Variants in CDH12 observed in about 807,000 individuals in gnomAD.
CDH12 encodes the protein cadherin 12.
A neutral mutation model predicts 74.1 loss-of-function variants in CDH12; 41 were observed. The ratio of observed to expected loss-of-function variants is 0.55; its 90% CI spans 0.43 to 0.72. The LOEUF (loss-of-function observed/expected upper bound fraction) is 0.72, where lower values mean the gene tolerates loss of function less well. CDH12 is among the 30% of genes least tolerant of loss of function. CDH12 has a pLI of 0.00. For missense variants in CDH12, 945 were observed against 977.2 expected, an observed-to-expected ratio of 0.97 and a Z score of 0.44; for synonymous variants, 399 against 355.0, an observed-to-expected ratio of 1.12 and a Z score of -1.39.
chr5:21,954,010 A>G (rs913308681), intron 6 of CDH12, among the ~76,000 whole-genome samples: 1 of 152,098 alleles, frequency 6.6e-6, no homozygotes, highest in African/African-American at 2.4e-5. Context: ...TTCATTTCCT[A>G]AACTGACATT....
chr5:21,761,983 C>T (rs1238179506), intron 12 of CDH12, among the ~76,000 whole-genome samples: 2 of 152,116 alleles, frequency 1.3e-5, no homozygotes, highest in Non-Finnish European at 2.9e-5. Flanking sequence ...AATGTGGCAA[C>T]TTAGTCAATG....
intron 3 of CDH12, among the ~76,000 whole-genome samples, chr5:22,349,960 T>C (rs1024681416): frequency 1.3e-5 from 2 of 152,206 alleles, no homozygotes; most frequent in Non-Finnish European, 1.5e-5. Flanking sequence ...TTGTACACAG[T>C]TCAAGCCTGC....
Position 22,369,481 on chromosome 5 carries a change from G to C in CDH12, c.-333+35776C>G, listed in dbSNP as rs139474631. On this transcript the variant is annotated intron_variant, in intron 3 of 14. Transcript: ENST00000382254. ...CCATATTTAATTCCCTGAACAACAAGGTTCTTAAAAAAATACATACAAAGA... is the reference window on the plus strand; with the variant it reads ...CCATATTTAATTCCCTGAACAACAACGTTCTTAAAAAAATACATACAAAGA... Among the ~76,000 whole-genome samples, 561 of 151,882 alleles carry C rather than the reference G, an allele frequency of 3.7e-3. 4 individuals carry two copies. The highest frequency in any genetic ancestry group is 0.013 in the African/African-American group (520 of 41,422).
rs181150862 is a variant in CDH12, at chr5:22,086,414, G to A, written c.-186-7552C>T. Among the ~76,000 whole-genome samples the A allele has an allele frequency of 3.2e-3, 480 of 152,060 alleles. 2 individuals are homozygous for A. The highest frequency in any genetic ancestry group is 5.0e-3 in the Non-Finnish European group (343 of 67,996). ...GGCTGGAGTGCAGTGGCGTGATCTC[G>A]TCTCATTCCAGCCTCCGCCTCCCGG... On this transcript the variant is annotated intron_variant, in intron 4 of 14. Coordinates refer to ENST00000382254, the MANE Select transcript of CDH12 (RefSeq NM_004061.5).
chr5:22,725,182 T>A (rs983781396), intron 1 of CDH12, among the ~76,000 whole-genome samples: 17 of 151,928 alleles, frequency 1.1e-4, no homozygotes, highest in Non-Finnish European at 2.2e-4. Context: ...GTGCTTCAGT[T>A]TTCTTGTCTA....
chr5:21,784,498 C>A (rs1443272316), intron 10 of CDH12, among the ~76,000 whole-genome samples: 1 of 152,058 alleles, frequency 6.6e-6, no homozygotes, highest in Non-Finnish European at 1.5e-5. Flanking sequence ...GATGTTTGAA[C>A]CAGGTCATCA....
At chr5:22,506,928 G>T (rs550124663) in intron 1 of CDH12, among the ~76,000 whole-genome samples, 143 of 152,110 alleles carry the variant, frequency 9.4e-4, no homozygotes, top group African/African-American at 3.3e-3. Flanking sequence ...GTGCAATAGA[G>T]TATATATTAA....
intron 1 of CDH12, 95 bp downstream of exon 1, chr5:22,852,963 G>T (rs930596696): frequency 6.6e-6 from 1 of 152,150 alleles, no homozygotes; most frequent in South Asian, 2.1e-4. Context: ...ACTACGCTAG[G>T]CATCACTTTA....
chr5:22,470,318 G>A (rs1054585660), intron 2 of CDH12, among the ~76,000 whole-genome samples: 1 of 151,894 alleles, frequency 6.6e-6, no homozygotes, highest in Non-Finnish European at 1.5e-5. Context: ...AAATGTAGCT[G>A]TACTCCCATT....
chr5:22,058,192 G>A (rs550774884), intron 5 of CDH12, among the ~76,000 whole-genome samples: 30 of 152,192 alleles, frequency 2.0e-4, no homozygotes, highest in Admixed American at 1.4e-3. Context: ...GAGTAGCTGG[G>A]ATTACAGGCA....
intron 11 of CDH12, among the ~76,000 whole-genome samples, chr5:21,771,741 A>G (rs1293661496): frequency 2.6e-5 from 4 of 152,190 alleles, no homozygotes; most frequent in Admixed American, 1.3e-4. Context: ...AAAAGACCTG[A>G]AAAAGAAAGA....
rs1326432883 is a variant in CDH12, at chr5:22,595,937, T to TAA, written c.-522-90575_-522-90574dup. 2.1e-3 allele frequency among the ~76,000 whole-genome samples: 309 copies of TAA among 147,332 alleles called. 1 individual carries two copies. Among genetic ancestry groups the TAA allele is most frequent in the African/African-American group, 7.4e-3 (294 of 39,808 alleles). ...CTAAAAATAAATAAATAAATAAAAA[T>TAA]AAATAAAAAAAATTAAAAAAATTAG... is the stretch of plus-strand genomic sequence containing the variant. On this transcript the variant is annotated intron_variant, in intron 1 of 14. Transcript: ENST00000382254.
chr5:21,817,045 T>C lies in CDH12; in HGVS notation c.902A>G (p.Asn301Ser). 4.3e-6 allele frequency: 7 copies of C among 1,613,054 alleles called. No homozygotes were observed. Among genetic ancestry groups the C allele is most frequent in the Non-Finnish European group, 5.9e-6 (7 of 1,179,316 alleles). ...IRAVDPDFGQ[N>S]AEIEYNIVPG... is the part of the protein sequence containing the mutation. ...AACAATATTGTATTCAATTTCTGCA[T>C]TTTGTCCAAAATCAGGATCCACAGC... Residue 301 changes from asparagine to serine, a missense_variant, in exon 9 of 15, where the codon AAT (asparagine) becomes AGT (serine). Physicochemically the swap from Asn to Ser is conservative, Grantham distance 46. Coordinates refer to ENST00000382254, the MANE Select transcript of CDH12 (RefSeq NM_004061.5).
chr5:22,692,221 C>A (rs1174609207), intron 1 of CDH12, among the ~76,000 whole-genome samples: 1 of 152,182 alleles, frequency 6.6e-6, no homozygotes, highest in Non-Finnish European at 1.5e-5. Flanking sequence ...TGAACTGAAG[C>A]AGTCTGGGGC....
chr5:22,807,696 A>G lies in CDH12; in HGVS notation c.-523+45362T>C, dbSNP rs1231818977. On this transcript the variant is annotated intron_variant, in intron 1 of 14. Coordinates refer to ENST00000382254, the MANE Select transcript of CDH12 (RefSeq NM_004061.5). Reference sequence around the variant, plus strand: ...TACTGTACTGAATACTGCAGACAATACTGTAATACAATGGTAAGTACTTGT... The same window carrying G: ...TACTGTACTGAATACTGCAGACAATGCTGTAATACAATGGTAAGTACTTGT... Among the ~76,000 whole-genome samples, 6 of 152,338 alleles carry G rather than the reference A, an allele frequency of 3.9e-5. No individual in the cohort carries two copies. In the East Asian group the frequency reaches 1.2e-3, roughly 29 times the overall value.
chr5:22,232,654 A>G (rs1267500957), intron 3 of CDH12, among the ~76,000 whole-genome samples: 2 of 151,434 alleles, frequency 1.3e-5, no homozygotes, highest in Admixed American at 1.3e-4. Flanking sequence ...ATTCTAACAC[A>G]CTGAAAAAAA....
chr5:21,933,774 T>C (rs1340780764), intron 6 of CDH12, among the ~76,000 whole-genome samples: 2 of 151,928 alleles, frequency 1.3e-5, no homozygotes, highest in East Asian at 3.9e-4. Flanking sequence ...AGGGGAGAAA[T>C]TTATATATGG....
intron 6 of CDH12, among the ~76,000 whole-genome samples, chr5:21,865,999 A>T (rs937441498): frequency 6.6e-6 from 1 of 152,182 alleles, no homozygotes; most frequent in Non-Finnish European, 1.5e-5. Flanking sequence ...TTCTCATGGT[A>T]GTAAATAAGT....
intron 6 of CDH12, among the ~76,000 whole-genome samples, chr5:21,879,252 T>C (rs757681380): frequency 6.6e-6 from 1 of 152,202 alleles, no homozygotes; most frequent in Non-Finnish European, 1.5e-5. Context: ...TTAAAATATA[T>C]ATGTCATTAC....
Sources: allele counts gnomAD v4.1 joint callset (sites outside exome capture counted in the v4.1 genomes callset), GRCh38; gene constraint gnomAD v4.1.1; transcripts MANE v1.5; gene names NCBI Gene and HGNC (gene_info 2026-07-23, HGNC 2026-07-21).